DDX52: variants seen among roughly 807,000 people sequenced by gnomAD.
DDX52 encodes the protein probable ATP-dependent RNA helicase DDX52.
In DDX52, 59 loss-of-function variants were observed where a neutral mutation model predicts 76.1. That is an observed-to-expected ratio of 0.78 (90% CI 0.63 to 0.96). DDX52 has a LOEUF of 0.96. DDX52 is among the 40% of genes least tolerant of loss of function. The probability of loss-of-function intolerance (pLI) is 0.00; values close to 1 mark genes in which losing one functional copy is unlikely to be tolerated. For missense variants in DDX52, 707 were observed against 703.9 expected (o/e 1.00, Z -0.05); for synonymous variants, 231 against 244.1 (o/e 0.95, Z 0.50).
chr17:37,640,598 A>T (rs578023793), intron 2 of DDX52, among the ~76,000 whole-genome samples: 38 of 152,002 alleles, frequency 2.5e-4, no homozygotes, highest in African/African-American at 6.8e-4. Flanking sequence ...TCATTGTATA[A>T]CTCAAGTGTT....
In DDX52 at chr17:37,632,202, T is replaced by C. The variant is rs1311429938; in HGVS notation, c.514A>G (p.Ile172Val). Residue 172 changes from isoleucine (I) to valine (V), a missense_variant, in exon 4 of 15, where the codon ATC (isoleucine) becomes GTC (valine). By Grantham distance (29) the Ile-to-Val change is conservative. Transcript: ENST00000617633. ...TFQQLDQEYK[I>V]NSRLLQNILD... is the part of the protein sequence containing the mutation. ...ATGTTCTGAAGTAGTCGAGAATTGA[T>C]TTTATATTCCTGGTCAAGTTGCTGA... The C allele has an allele frequency of 6.2e-7, 1 of 1,613,822 alleles. No homozygotes were observed. The highest frequency in any genetic ancestry group is 2.2e-5 in the East Asian group (1 of 44,866).
At chr17:37,637,019 T>C (rs1484404086) in intron 2 of DDX52, among the ~76,000 whole-genome samples, 2 of 152,200 alleles carry the variant, frequency 1.3e-5, no homozygotes, top group African/African-American at 4.8e-5. Flanking sequence ...GGCTAGAGTA[T>C]ACAGGCATGA....
At position 37,621,512 on chromosome 17, in the gene DDX52, A is replaced by T. The variant is rs368246723; in HGVS notation, c.1236T>A (p.Asn412Lys). 9 of 1,609,676 alleles carry T rather than the reference A, an allele frequency of 5.6e-6. No homozygotes were observed. The African/African-American group carries it at 1.2e-4, about 22-fold the overall frequency. ...AVRELVKKGF[N>K]PPVLVFVQSI... is the part of the protein sequence containing the mutation. ...ACTGAACAAAAACAAGAACAGGTGGATTGAAACCCTAAAAGAAGACAAAAA... is the reference window on the plus strand; with the variant it reads ...ACTGAACAAAAACAAGAACAGGTGGTTTGAAACCCTAAAAGAAGACAAAAA... Residue 412 changes from asparagine to lysine, a missense_variant, in exon 10 of 15, where the codon AAT (asparagine) becomes AAA (lysine). By Grantham distance (94) the Asn-to-Lys change is moderately conservative (BLOSUM62 0). Coordinates refer to ENST00000617633, the MANE Select transcript of DDX52 (RefSeq NM_007010.5).
Position 37,613,466 on chromosome 17 carries a change from G to A in DDX52, c.*830C>T, listed in dbSNP as rs2064390363. 1 of 152,158 alleles carries A rather than the reference G, an allele frequency of 6.6e-6. No homozygotes were observed. Among genetic ancestry groups the A allele is most frequent in the Non-Finnish European group, 1.5e-5 (1 of 68,026 alleles). 9.4% of individuals were successfully genotyped at this position (152,158 alleles called of 1,614,324 possible). A position where few individuals can be genotyped will look rare whatever the true frequency, so the allele number is the denominator to read the frequency against. Reference sequence around the variant, plus strand: ...ATGGAAAGAGACAGGAAAGAACATGGTTAAATCACAGAAAATGAAGAAAGG... The same window carrying A: ...ATGGAAAGAGACAGGAAAGAACATGATTAAATCACAGAAAATGAAGAAAGG... On this transcript the variant is annotated 3_prime_UTR_variant, in exon 15 of 15. Transcript: ENST00000617633.
At chr17:37,617,983 C>T (rs936729079) in intron 14 of DDX52, among the ~76,000 whole-genome samples, 6 of 151,856 alleles carry the variant, frequency 4.0e-5, no homozygotes, top group Non-Finnish European at 8.8e-5. Context: ...GGTGTGGTGG[C>T]GGGAGCCTGT....
chr17:37,620,000 T>C, intron 12 of DDX52, 161 bp from the exon 13 acceptor site: 1 of 626,272 alleles, frequency 1.6e-6, no homozygotes, highest in Non-Finnish European at 2.7e-6. Flanking sequence ...GCACATTGGA[T>C]TACAGAGAGA....
chr17:37,637,669 G>A (rs2030995818), intron 2 of DDX52, among the ~76,000 whole-genome samples: 1 of 151,634 alleles, frequency 6.6e-6, no homozygotes, highest in South Asian at 2.1e-4. Context: ...CTGCCTCCCA[G>A]GTTCAAGCGA....
rs897089119 is a variant in DDX52, at chr17:37,610,665, T to C, written c.*3631A>G. Reference sequence around the variant, plus strand: ...TCCTCAGTATCCTTAGGAGTTACAATTGGCATCTTACAGATGAGAAAATCA... The same window carrying C: ...TCCTCAGTATCCTTAGGAGTTACAACTGGCATCTTACAGATGAGAAAATCA... On this transcript the variant is annotated 3_prime_UTR_variant, in exon 15 of 15. Transcript: ENST00000617633. 3.3e-5 allele frequency: 5 copies of C among 152,202 alleles called. No homozygotes were observed. The highest frequency in any genetic ancestry group is 9.7e-5 in the African/African-American group (4 of 41,444). 9.4% of individuals were successfully genotyped at this position (152,202 alleles called of 1,614,324 possible).
chr17:37,633,305 TCTCCA>T lies in DDX52; in HGVS notation c.395_399del (p.Leu132Ter), dbSNP rs1178847064. 6.2e-7 allele frequency: 1 copy of T among 1,604,882 alleles called. No homozygotes were observed. Among genetic ancestry groups the T allele is most frequent in the Admixed American group, 1.7e-5 (1 of 58,374 alleles). ...TTTCTAACCTTTTCTTTTCTGAGAT[TCTCCA>T]ACTTTCCGGAAGTTAGTTTACTTTC... On this transcript the variant is annotated frameshift_variant, in exon 3 of 15. Transcript: ENST00000617633. LOFTEE classifies it high-confidence loss of function.
At chr17:37,619,150 G>A (rs1366140512) in intron 13 of DDX52, among the ~76,000 whole-genome samples, 2 of 152,120 alleles carry the variant, frequency 1.3e-5, no homozygotes, top group Admixed American at 1.3e-4. Flanking sequence ...AGGCCCAGGT[G>A]GGCAGATCAC....
In DDX52 at chr17:37,613,858, A is replaced by G. The variant is rs184778640; in HGVS notation, c.*438T>C. The stretch of plus-strand genomic sequence containing the variant: ...GGAAAAGTCCTTAAGAGTTCACCAC[A>G]TTTTGGTGTTATTTTTAGCATAAAC... On this transcript the variant is annotated 3_prime_UTR_variant, in exon 15 of 15. Coordinates refer to ENST00000617633, the MANE Select transcript of DDX52 (RefSeq NM_007010.5). The G allele has an allele frequency of 2.0e-3, 305 of 154,264 alleles. 1 individual carries two copies. In the Middle Eastern group the frequency reaches 0.033, roughly 17 times the overall value. The allele number at this position is 154,264 out of a possible 1,614,324, so 9.6% of individuals were successfully genotyped here.
chr17:37,638,065 T>C lies in DDX52; in HGVS notation c.286+4045A>G, dbSNP rs1276539240. ...GAAGATGAAACATGGTTTTACCAGT[T>C]TGATCATAAAGACAAAGCACAATTA... On this transcript the variant is annotated intron_variant, in intron 2 of 14. Transcript: ENST00000617633. Among the ~76,000 whole-genome samples the C allele has an allele frequency of 2.0e-5, 3 of 152,190 alleles. No individual in the cohort carries two copies. The East Asian group carries it at 5.8e-4, about 29-fold the overall frequency.
chr17:37,621,137 G>A lies in DDX52; in HGVS notation c.1491C>T (p.Ile497=), dbSNP rs947336309. ...AAAAAGACAACTCACCTATCCTGTG[G>A]ATATATTCCACTGAGCTAGTTGGAA... ...YDFPTSSVEY[I]HRIGRTGRAG... The change falls in exon 11 of 15, where the codon ATC becomes ATT. Residue 497 remains isoleucine (I), a synonymous_variant. Transcript: ENST00000617633. 8.7e-6 allele frequency: 14 copies of A among 1,610,648 alleles called. No homozygotes were observed. Among genetic ancestry groups the A allele is most frequent in the Middle Eastern group, 1.7e-4 (1 of 6,036 alleles).
rs373844358 is a variant in DDX52 at position 37,611,089 on chromosome 17, C to G, written c.*3207G>C. On this transcript the variant is annotated 3_prime_UTR_variant, in exon 15 of 15. Coordinates refer to ENST00000617633, the MANE Select transcript of DDX52 (RefSeq NM_007010.5). ...GTTTTTACATTTGCAGGATTCAACT[C>G]AGGATGTCGGCCTTCCATGACATCC... 1 of 152,224 alleles carries G rather than the reference C, an allele frequency of 6.6e-6. No individual in the cohort carries two copies. The highest frequency in any genetic ancestry group is 2.4e-5 in the African/African-American group (1 of 41,448). The allele number at this position is 152,224 out of a possible 1,614,324, so 9.4% of individuals were successfully genotyped here.
chr17:37,629,214 G>A (rs2030550574), intron 5 of DDX52, among the ~76,000 whole-genome samples: 1 of 141,656 alleles, frequency 7.1e-6, no homozygotes, highest in Admixed American at 7.5e-5. Context: ...GAGCATGACT[G>A]TCCCAAGAAA....
At position 37,612,128 on chromosome 17, in the gene DDX52, G is replaced by A. The variant is rs1167784320; in HGVS notation, c.*2168C>T. On this transcript the variant is annotated 3_prime_UTR_variant, in exon 15 of 15. Coordinates refer to ENST00000617633, the MANE Select transcript of DDX52 (RefSeq NM_007010.5). Reference sequence around the variant, plus strand: ...GTCTTGCCCTGTCGCCCAGGCTGGAGTGCAGTAGCGCGATCTCGGCTTACT... The same window carrying A: ...GTCTTGCCCTGTCGCCCAGGCTGGAATGCAGTAGCGCGATCTCGGCTTACT... 1 of 151,882 alleles carries A rather than the reference G, an allele frequency of 6.6e-6. No individual in the cohort carries two copies. Among genetic ancestry groups the A allele is most frequent in the Non-Finnish European group, 1.5e-5 (1 of 68,008 alleles). 9.4% of individuals were successfully genotyped at this position (151,882 alleles called of 1,614,324 possible). A position where few individuals can be genotyped will look rare whatever the true frequency, so the allele number is the denominator to read the frequency against.
rs1227000375 is a variant in DDX52 at position 37,612,746 on chromosome 17, G to GT, written c.*1549dup. ...AATCTATGTTTAAGAAATATTTATT[G>GT]TGAGTTTACTATGTATCAGGTACAG... On this transcript the variant is annotated 3_prime_UTR_variant, in exon 15 of 15. Transcript: ENST00000617633. The GT allele has an allele frequency of 1.3e-5, 2 of 152,116 alleles. No individual in the cohort carries two copies. The highest frequency in any genetic ancestry group is 2.9e-5 in the Non-Finnish European group (2 of 68,016). 9.4% of individuals were successfully genotyped at this position (152,116 alleles called of 1,614,324 possible). A position where few individuals can be genotyped will look rare whatever the true frequency, so the allele number is the denominator to read the frequency against.
chr17:37,630,235 C>A, intron 4 of DDX52, 62 bp from the exon 5 acceptor site: 1 of 1,437,976 alleles, frequency 7.0e-7, no homozygotes, highest in South Asian at 1.5e-5. Context: ...AGAGCCTGGT[C>A]AAATAACGCT....
intron 9 of DDX52, among the ~76,000 whole-genome samples, chr17:37,622,616 T>C (rs973262767): frequency 7.9e-5 from 12 of 152,250 alleles, no homozygotes; most frequent in African/African-American, 2.6e-4. Context: ...CTTTTTATGA[T>C]GGCTTAAACA....
Sources: allele counts gnomAD v4.1 joint callset (sites outside exome capture counted in the v4.1 genomes callset), GRCh38; gene constraint gnomAD v4.1.1; transcripts MANE v1.5; gene names NCBI Gene and HGNC (gene_info 2026-07-23, HGNC 2026-07-21).